TRPM3: variants seen among roughly 807,000 people sequenced by gnomAD.
The protein encoded by TRPM3 is long transient receptor potential channel 3.
Under a neutral mutation model 181.2 loss-of-function variants are expected in TRPM3, and 77 were observed. That is an observed-to-expected ratio of 0.42 (90% CI 0.35 to 0.51). TRPM3 has a LOEUF of 0.51. Among genes scored for constraint, TRPM3 ranks in the 20% least tolerant of loss-of-function variants. The pLI, the probability that TRPM3 is intolerant of heterozygous loss-of-function variation, is 0.01. For synonymous variants in TRPM3, 745 were observed against 796.4 expected (o/e 0.94, Z 1.09); for missense variants, 1,759 against 2,196.7 (o/e 0.80, Z 3.98).
At chr9:71,388,321 C>T (rs773983724) in intron 1 of TRPM3, among the ~76,000 whole-genome samples, 78 of 151,998 alleles carry the variant, frequency 5.1e-4, no homozygotes, top group Non-Finnish European at 9.9e-4. Flanking sequence ...TATTTTCAAT[C>T]ACTTCTGTCT....
chr9:71,098,341 T>C (rs985927828), intron 1 of TRPM3, among the ~76,000 whole-genome samples: 1 of 152,154 alleles, frequency 6.6e-6, no homozygotes, highest in Non-Finnish European at 1.5e-5. Flanking sequence ...TTTTACATCA[T>C]CTGTTAGCTG....
intron 9 of TRPM3, among the ~76,000 whole-genome samples, chr9:70,679,710 T>C (rs1039205517): frequency 6.6e-6 from 1 of 152,232 alleles, no homozygotes; most frequent in Non-Finnish European, 1.5e-5. Flanking sequence ...ATCTGGTAAT[T>C]GAACTATTGT....
chr9:71,373,283 T>A, intron 1 of TRPM3, among the ~76,000 whole-genome samples: 2 of 145,382 alleles, frequency 1.4e-5, no homozygotes, highest in African/African-American at 2.5e-5. Context: ...AGAGCTGAAG[T>A]GAAGGAAATA....
intron 6 of TRPM3, among the ~76,000 whole-genome samples, chr9:70,823,385 A>G (rs1449755107): frequency 1.1e-5 from 1 of 92,620 alleles, no homozygotes; most frequent in Non-Finnish European, 2.2e-5. Flanking sequence ...AATAAGCTCC[A>G]ACTCTTTACC....
chr9:71,116,731 G>A (rs892132869), intron 1 of TRPM3, among the ~76,000 whole-genome samples: 2 of 151,488 alleles, frequency 1.3e-5, no homozygotes, highest in Admixed American at 6.6e-5. Context: ...CTTTTGACTA[G>A]ATTCCCCCCA....
chr9:70,781,708 G>C (rs562360703), intron 7 of TRPM3, among the ~76,000 whole-genome samples: 3 of 152,076 alleles, frequency 2.0e-5, no homozygotes, highest in East Asian at 3.9e-4. Context: ...TGGACAAAGC[G>C]CTTAATTTAA....
chr9:70,903,188 A>G (rs12349493), intron 1 of TRPM3, among the ~76,000 whole-genome samples: 6,276 of 152,272 alleles, frequency 0.041, 420 homozygotes, highest in African/African-American at 0.14. Context: ...ATTTTCAGAT[A>G]TAATAGGTCT....
At chr9:70,825,035 G>A (rs1430866618) in intron 6 of TRPM3, 1 of 152,168 alleles carries the variant, frequency 6.6e-6, no homozygotes, top group Non-Finnish European at 1.5e-5. Flanking sequence ...CCGACTTTGG[G>A]GGCTGAGTAC....
chr9:70,700,650 A>T (rs554341115), intron 8 of TRPM3, among the ~76,000 whole-genome samples: 1 of 152,364 alleles, frequency 6.6e-6, no homozygotes, highest in East Asian at 1.9e-4. Context: ...AGCTTTTTAG[A>T]CGATAACTGC....
At chr9:70,597,964 A>G (rs1433761600) in intron 21 of TRPM3, among the ~76,000 whole-genome samples, 2 of 152,160 alleles carry the variant, frequency 1.3e-5, no homozygotes, top group African/African-American at 4.8e-5. Context: ...GTGGAGACCC[A>G]TTCCTTCTCC....
At chr9:70,747,389 G>A (rs2075355317) in intron 8 of TRPM3, among the ~76,000 whole-genome samples, 1 of 152,072 alleles carries the variant, frequency 6.6e-6, no homozygotes, top group South Asian at 2.1e-4. Context: ...ACAATATCAG[G>A]GAAATAGAAA....
intron 1 of TRPM3, among the ~76,000 whole-genome samples, chr9:71,433,778 C>T (rs893043622): frequency 2.0e-5 from 3 of 152,196 alleles, no homozygotes; most frequent in Admixed American, 6.5e-5. Context: ...AGCTCTAGGT[C>T]GGATGCTTCA....
intron 1 of TRPM3, among the ~76,000 whole-genome samples, chr9:71,355,426 T>C (rs1427279546): frequency 6.6e-6 from 1 of 152,168 alleles, no homozygotes; most frequent in Admixed American, 6.5e-5. Context: ...GGCCATGGGC[T>C]GACAGCAACC....
In TRPM3 at chr9:71,085,355, A is replaced by G. The variant is rs1476546664; in HGVS notation, c.177+35823T>C. Among the ~76,000 whole-genome samples, 4 of 152,148 alleles carry G rather than the reference A, an allele frequency of 2.6e-5. No homozygotes were observed. The East Asian group carries it at 7.7e-4, about 29-fold the overall frequency. ...AGAGTAAACAGGCAACCTACAGAATAGAAGAAAATATTCGCAAACAGTGCA... is the reference window on the plus strand; with the variant it reads ...AGAGTAAACAGGCAACCTACAGAATGGAAGAAAATATTCGCAAACAGTGCA... On this transcript the variant is annotated intron_variant, in intron 1 of 25. Transcript: ENST00000677713.
chr9:71,164,209 G>A (rs981219728), intron 1 of TRPM3, among the ~76,000 whole-genome samples: 3 of 152,206 alleles, frequency 2.0e-5, no homozygotes, highest in Non-Finnish European at 4.4e-5. Context: ...CCAGTTTGCT[G>A]AAAGCTAATT....
At chr9:70,893,472 G>A (rs1035776702) in intron 1 of TRPM3, among the ~76,000 whole-genome samples, 1 of 152,146 alleles carries the variant, frequency 6.6e-6, no homozygotes, top group Non-Finnish European at 1.5e-5. Flanking sequence ...ATGTTATGAT[G>A]ATGCTACTAC....
At chr9:71,113,911 T>C (rs570073556) in intron 1 of TRPM3, among the ~76,000 whole-genome samples, 1 of 152,318 alleles carries the variant, frequency 6.6e-6, no homozygotes, top group Admixed American at 6.5e-5. Context: ...GTTTGTGAAA[T>C]CCAAGTTTGC....
intron 5 of TRPM3, 156 bp downstream of exon 5, chr9:70,842,847 T>A: frequency 1.4e-6 from 1 of 699,146 alleles, no homozygotes; most frequent in Non-Finnish European, 2.2e-6. Flanking sequence ...AGAAAATAAA[T>A]ATTTTCCCAA....
chr9:71,317,278 A>G (rs968301879), intron 1 of TRPM3, among the ~76,000 whole-genome samples: 2 of 152,232 alleles, frequency 1.3e-5, no homozygotes, highest in African/African-American at 4.8e-5. Flanking sequence ...TGTTAAGTAA[A>G]AAAAGGCTCA....
Sources: gnomAD v4.1 joint callset for allele counts (sites outside exome capture counted in the v4.1 genomes callset) on GRCh38, gnomAD v4.1.1 for gene constraint, MANE v1.5 for transcripts, NCBI Gene and HGNC (gene_info 2026-07-23, HGNC 2026-07-21) for gene names.